The following SPATA16 variants were observed in gnomAD, a reference collection of about 807,000 sequenced individuals.
SPATA16 encodes spermatogenesis associated 16.
SPATA16 carries 36 observed loss-of-function variants against 63.3 expected under a neutral mutation model. The observed-to-expected ratio is 0.57, with a 90% CI of 0.44 to 0.75. The LOEUF (loss-of-function observed/expected upper bound fraction) is 0.75, where lower values mean the gene tolerates loss of function less well. Ranked by LOEUF, SPATA16 falls within the 30% of genes least tolerant of loss-of-function variation. SPATA16 has a pLI of 0.00. For missense variants in SPATA16, 646 were observed against 679.3 expected, an observed-to-expected ratio of 0.95 and a Z score of 0.54; for synonymous variants, 203 against 216.7, an observed-to-expected ratio of 0.94 and a Z score of 0.56.
chr3:173,071,685 G>A (rs191993508), intron 2 of SPATA16, among the ~76,000 whole-genome samples: 9 of 152,236 alleles, frequency 5.9e-5, no homozygotes, highest in Admixed American at 5.2e-4. Flanking sequence ...CATGCAAATG[G>A]CCAACAGGTA....
rs531004921 is a variant in SPATA16, at chr3:172,901,022, C to A, written c.1588-11330G>T. ...CTTTCATTCTGCTGTTGAGTCCATC[C>A]AATAAATTTTTTGTTATAGTTATTT... On this transcript the variant is annotated intron_variant, in intron 10 of 10. Coordinates refer to ENST00000351008, the MANE Select transcript of SPATA16 (RefSeq NM_031955.6). 1.3e-4 allele frequency among the ~76,000 whole-genome samples: 20 copies of A among 152,026 alleles called. No homozygotes were observed. In the South Asian group the frequency reaches 4.2e-3, roughly 32 times the overall value.
intron 8 of SPATA16, among the ~76,000 whole-genome samples, chr3:172,922,405 T>C (rs1732632476): frequency 6.6e-6 from 1 of 152,212 alleles, no homozygotes; most frequent in African/African-American, 2.4e-5. Flanking sequence ...ATTATGGTTT[T>C]AAAGTCTCCT....
intron 2 of SPATA16, among the ~76,000 whole-genome samples, chr3:173,104,641 G>A (rs1474960651): frequency 6.6e-6 from 1 of 152,084 alleles, no homozygotes; most frequent in Non-Finnish European, 1.5e-5. Context: ...ACCAAGCCAT[G>A]ACCCAAACAC....
intron 2 of SPATA16, among the ~76,000 whole-genome samples, chr3:173,112,371 A>G (rs1201826151): frequency 6.6e-6 from 1 of 152,256 alleles, no homozygotes; most frequent in East Asian, 1.9e-4. Context: ...GTTAAAATGC[A>G]GGTTCTGATT....
intron 2 of SPATA16, among the ~76,000 whole-genome samples, chr3:173,084,099 A>C (rs1219025538): frequency 6.6e-6 from 1 of 152,154 alleles, no homozygotes; most frequent in Non-Finnish European, 1.5e-5. Context: ...GAATCGTTAC[A>C]CTGTCTTCTA....
At chr3:172,973,088 G>T (rs1273494708) in intron 5 of SPATA16, among the ~76,000 whole-genome samples, 1 of 152,162 alleles carries the variant, frequency 6.6e-6, no homozygotes, top group East Asian at 1.9e-4. Flanking sequence ...ACATTAAAAT[G>T]AAATGTTGAA....
chr3:172,948,517 G>A (rs538249561), intron 6 of SPATA16, among the ~76,000 whole-genome samples: 26 of 151,968 alleles, frequency 1.7e-4, no homozygotes, highest in Middle Eastern at 3.4e-3. Flanking sequence ...ACCCAGGCTG[G>A]AGTTCAGTGC....
chr3:173,112,909 A>C (rs762606966), intron 2 of SPATA16, among the ~76,000 whole-genome samples: 2 of 152,092 alleles, frequency 1.3e-5, no homozygotes, highest in African/African-American at 2.4e-5. Context: ...AAGCCTCTTA[A>C]TTATTAGGAT....
chr3:173,058,485 A>C (rs544497206), intron 2 of SPATA16, among the ~76,000 whole-genome samples: 38 of 152,278 alleles, frequency 2.5e-4, no homozygotes, highest in African/African-American at 9.1e-4. Flanking sequence ...TAGAATATAC[A>C]TCATAAAAGT....
intron 5 of SPATA16, among the ~76,000 whole-genome samples, chr3:172,958,454 C>T: frequency 6.6e-6 from 1 of 152,280 alleles, no homozygotes. Context: ...GATGGCCTGT[C>T]CAGACCATCA....
At chr3:172,995,489 T>C (rs2108263261) in intron 4 of SPATA16, among the ~76,000 whole-genome samples, 1 of 152,090 alleles carries the variant, frequency 6.6e-6, no homozygotes, top group Non-Finnish European at 1.5e-5. Context: ...CAGGATAAGC[T>C]TCAGAAGCTA....
At chr3:173,057,545 A>G (rs1736266793) in intron 2 of SPATA16, among the ~76,000 whole-genome samples, 1 of 152,124 alleles carries the variant, frequency 6.6e-6, no homozygotes, top group Admixed American at 6.6e-5. Context: ...TGTATCATTC[A>G]CTTTATTTTC....
chr3:172,968,758 A>G (rs919617372), intron 5 of SPATA16, among the ~76,000 whole-genome samples: 2 of 152,192 alleles, frequency 1.3e-5, no homozygotes, highest in African/African-American at 4.8e-5. Context: ...ACATGCCTCA[A>G]TTACATCTTT....
intron 3 of SPATA16, among the ~76,000 whole-genome samples, chr3:173,020,799 G>A (rs984936527): frequency 6.6e-6 from 1 of 152,124 alleles, no homozygotes; most frequent in Non-Finnish European, 1.5e-5. Flanking sequence ...TTATCAATGT[G>A]GGCTACAGAA....
intron 5 of SPATA16, among the ~76,000 whole-genome samples, chr3:172,976,046 T>C (rs1734152034): frequency 6.6e-6 from 1 of 152,172 alleles, no homozygotes; most frequent in Middle Eastern, 3.4e-3. Flanking sequence ...TTCAATTAAA[T>C]TAAAACATCT....
intron 10 of SPATA16, among the ~76,000 whole-genome samples, chr3:172,904,426 A>T (rs1346608094): frequency 3.3e-5 from 5 of 152,196 alleles, no homozygotes; most frequent in Non-Finnish European, 7.3e-5. Flanking sequence ...CTTGTTTAAA[A>T]GTGGCCGAGC....
chr3:173,001,265 G>GTTTTTTTTTTT lies in SPATA16; in HGVS notation c.848+18220_848+18221insAAAAAAAAAAA, dbSNP rs1553790831. Among the ~76,000 whole-genome samples the GTTTTTTTTTTT allele has an allele frequency of 5.2e-3, 698 of 133,960 alleles. 5 individuals are homozygous for GTTTTTTTTTTT. Among genetic ancestry groups the GTTTTTTTTTTT allele is most frequent in the Non-Finnish European group, 5.6e-3 (378 of 67,064 alleles). 87.9% of individuals were successfully genotyped at this position (133,960 alleles called of 152,430 possible). On this transcript the variant is annotated intron_variant, in intron 4 of 10. Transcript: ENST00000351008. ...CTGTGAACTTGACCAATGCTTCTCA[G>GTTTTTTTTTTT]TTGTTTTTTTTTTTTTGTTTTCACC...
At chr3:172,935,047 C>T (rs1732948840) in intron 6 of SPATA16, among the ~76,000 whole-genome samples, 1 of 152,024 alleles carries the variant, frequency 6.6e-6, no homozygotes, top group Non-Finnish European at 1.5e-5. Flanking sequence ...AAAGAGACCA[C>T]CGTATTATTA....
chr3:173,053,088 C>A (rs73044935), intron 2 of SPATA16, among the ~76,000 whole-genome samples: 1,675 of 152,234 alleles, frequency 0.011, 28 homozygotes, highest in African/African-American at 0.038. Flanking sequence ...TGGCACAGTG[C>A]CTCATCCCTG....
Sources: allele counts gnomAD v4.1 joint callset (sites outside exome capture counted in the v4.1 genomes callset), GRCh38; gene constraint gnomAD v4.1.1; transcripts MANE v1.5; gene names NCBI Gene and HGNC (gene_info 2026-07-23, HGNC 2026-07-21).